DNAJC15: variants seen among roughly 807,000 people sequenced by gnomAD.
The protein encoded by DNAJC15 is DnaJ heat shock protein family (Hsp40) member C15, also known as dnaJ homolog subfamily C member 15.
Under a neutral mutation model 22.4 loss-of-function variants are expected in DNAJC15, and 27 were observed. The ratio of observed to expected loss-of-function variants is 1.20; its 90% CI spans 0.89 to 1.66. DNAJC15 has a LOEUF of 1.66. DNAJC15 is among the 40% of genes most tolerant of loss of function. The probability of loss-of-function intolerance (pLI) is 0.00; values close to 1 mark genes in which losing one functional copy is unlikely to be tolerated. For synonymous variants in DNAJC15, 79 were observed against 63.2 expected (o/e 1.25, Z -1.19); for missense variants, 208 against 187.1 (o/e 1.11, Z -0.65).
Position 43,075,753 on chromosome 13 carries a change from C to T in DNAJC15, c.235-2859C>T, listed in dbSNP as rs976850954. Among the ~76,000 whole-genome samples, 4 of 152,152 alleles carry T rather than the reference C, an allele frequency of 2.6e-5. 1 individual carries two copies. In the South Asian group the frequency reaches 8.3e-4, roughly 32 times the overall value. On this transcript the variant is annotated intron_variant, in intron 3 of 5. Transcript: ENST00000379221. ...TCACAGCTCACTGCAACCTCCACCT[C>T]CCAGGGTCAAGTGATTCTCCTGCCT...
chr13:43,054,911 T>C (rs1566205486), intron 1 of DNAJC15, among the ~76,000 whole-genome samples: 1 of 152,122 alleles, frequency 6.6e-6, no homozygotes, highest in Non-Finnish European at 1.5e-5. Flanking sequence ...GCCTGAAAGA[T>C]CAGGCTGTAA....
chr13:43,035,835 T>G (rs2040426467), intron 1 of DNAJC15, among the ~76,000 whole-genome samples: 1 of 152,084 alleles, frequency 6.6e-6, no homozygotes, highest in Non-Finnish European at 1.5e-5. Flanking sequence ...ATCCTCCCAC[T>G]TCAGCTTCCC....
At chr13:43,041,802 A>G (rs2040455411) in intron 1 of DNAJC15, among the ~76,000 whole-genome samples, 1 of 152,248 alleles carries the variant, frequency 6.6e-6, no homozygotes, top group Non-Finnish European at 1.5e-5. Flanking sequence ...CATGCAGTCA[A>G]TTAACTGCTA....
At chr13:43,095,179 A>G (rs367919573) in intron 5 of DNAJC15, among the ~76,000 whole-genome samples, 3 of 152,324 alleles carry the variant, frequency 2.0e-5, no homozygotes. Flanking sequence ...GTACAGTAAT[A>G]TGAGTGAGAA....
chr13:43,110,473 C>T lies in DNAJC15; in HGVS notation c.*3225C>T, dbSNP rs1033446102. 3.9e-5 allele frequency: 6 copies of T among 152,074 alleles called. No individual in the cohort carries two copies. Among genetic ancestry groups the T allele is most frequent in the African/African-American group, 1.4e-4 (6 of 41,394 alleles). 9.4% of individuals were successfully genotyped at this position (152,074 alleles called of 1,614,324 possible). On this transcript the variant is annotated 3_prime_UTR_variant, in exon 6 of 6. Transcript: ENST00000379221. ...GACAGGTTTGGGATTTTTTTTCCCC[C>T]TTGAGTCTGTGAAGGCATTACTTAA...
At chr13:43,043,248 C>T (rs1237749336) in intron 1 of DNAJC15, among the ~76,000 whole-genome samples, 5 of 152,192 alleles carry the variant, frequency 3.3e-5, no homozygotes, top group African/African-American at 9.7e-5. Context: ...GCTGGGACTA[C>T]AGGCGTGTGC....
intron 1 of DNAJC15, among the ~76,000 whole-genome samples, chr13:43,057,335 A>T (rs2153440510): frequency 6.6e-6 from 1 of 152,036 alleles, no homozygotes; most frequent in Middle Eastern, 3.4e-3. Context: ...AGTTTGGGTC[A>T]GTTTGAAAGC....
chr13:43,057,655 T>C (rs978041888), intron 1 of DNAJC15, among the ~76,000 whole-genome samples: 1 of 152,226 alleles, frequency 6.6e-6, no homozygotes, highest in African/African-American at 2.4e-5. Context: ...TGTGGTCTTT[T>C]GGAGATGTTA....
In DNAJC15 at chr13:43,108,362, A is replaced by C. The variant is rs1449564584; in HGVS notation, c.*1114A>C. 1.3e-5 allele frequency: 2 copies of C among 152,334 alleles called. No individual in the cohort carries two copies. Among genetic ancestry groups the C allele is most frequent in the East Asian group, 3.9e-4 (2 of 5,188 alleles). 9.4% of individuals were successfully genotyped at this position (152,334 alleles called of 1,614,324 possible). A position where few individuals can be genotyped will look rare whatever the true frequency, so the allele number is the denominator to read the frequency against. On this transcript the variant is annotated 3_prime_UTR_variant, in exon 6 of 6. Coordinates refer to ENST00000379221, the MANE Select transcript of DNAJC15 (RefSeq NM_013238.3). ...TCATCAAAGGCCAGCCCTGTGACTT[A>C]CACTGCATTAAATTAATTTCTTAGA... is the stretch of plus-strand genomic sequence containing the variant.
At chr13:43,075,014 G>C (rs1350592458) in intron 3 of DNAJC15, among the ~76,000 whole-genome samples, 1 of 152,202 alleles carries the variant, frequency 6.6e-6, no homozygotes. Context: ...GCAGATTTTA[G>C]TATGAGTGGT....
chr13:43,062,970 C>T (rs965479049), intron 1 of DNAJC15, among the ~76,000 whole-genome samples: 2 of 151,320 alleles, frequency 1.3e-5, no homozygotes, highest in Non-Finnish European at 2.9e-5. Context: ...CCATCTACCT[C>T]GGCTTCCCAA....
At chr13:43,051,634 GGTGT>G (rs57271276) in intron 1 of DNAJC15, among the ~76,000 whole-genome samples, 2,181 of 133,120 alleles carry the variant, frequency 0.016, 55 homozygotes, top group African/African-American at 0.053. Flanking sequence ...AGTACTTCAT[GGTGT>G]GTGTGTGTGT....
intron 1 of DNAJC15, among the ~76,000 whole-genome samples, chr13:43,038,983 C>T (rs1264528224): frequency 6.6e-6 from 1 of 151,988 alleles, no homozygotes; most frequent in Non-Finnish European, 1.5e-5. Context: ...TTGTAGAAGA[C>T]TTTATATGTT....
intron 1 of DNAJC15, among the ~76,000 whole-genome samples, chr13:43,024,893 T>TAAAAGAAAAAAAAAAAAAA (rs2040372656): frequency 1.2e-5 from 1 of 85,946 alleles, no homozygotes; most frequent in Non-Finnish European, 2.3e-5. Context: ...CCATCTCTGC[T>TAAAAGAAAAAAAAAAAAAA]AAAAAAAAAA....
chr13:43,067,007 TAATTA>T (rs903313863), intron 2 of DNAJC15, among the ~76,000 whole-genome samples: 25 of 152,228 alleles, frequency 1.6e-4, no homozygotes, highest in Admixed American at 6.5e-5. Flanking sequence ...AGCTATATCC[TAATTA>T]AATGTTAATT....
chr13:43,106,630 A>G (rs2153442475), intron 5 of DNAJC15, among the ~76,000 whole-genome samples: 1 of 152,196 alleles, frequency 6.6e-6, no homozygotes, highest in South Asian at 2.1e-4. Context: ...TAGATCATTT[A>G]TCTCTATTAA....
chr13:43,100,134 C>G (rs938323646), intron 5 of DNAJC15, among the ~76,000 whole-genome samples: 1 of 149,610 alleles, frequency 6.7e-6, no homozygotes, highest in African/African-American at 2.5e-5. Flanking sequence ...TCTAAATTAT[C>G]TAATTTATTG....
rs376910976 is a variant in DNAJC15, at chr13:43,024,337, GT to G, written c.108+627del. On this transcript the variant is annotated intron_variant, in intron 1 of 5. Transcript: ENST00000379221. The stretch of plus-strand genomic sequence containing the variant: ...TTGTGAGCCACATACGTATTTTTAC[GT>G]TTTTTTTTTTTTTTTTTTTTTTTGA... 2.5e-3 allele frequency among the ~76,000 whole-genome samples: 236 copies of G among 93,366 alleles called. 1 individual carries two copies. The highest frequency in any genetic ancestry group is 7.4e-3 in the African/African-American group (176 of 23,710). The allele number at this position is 93,366 out of a possible 152,430, so 61.3% of individuals were successfully genotyped here.
intron 5 of DNAJC15, among the ~76,000 whole-genome samples, chr13:43,091,797 GTT>G (rs1163083022): frequency 6.6e-6 from 1 of 151,968 alleles, no homozygotes; most frequent in African/African-American, 2.4e-5. Context: ...TGACCTGTGT[GTT>G]ATTTGACATG....
Sources: allele counts gnomAD v4.1 joint callset (sites outside exome capture counted in the v4.1 genomes callset), GRCh38; gene constraint gnomAD v4.1.1; transcripts MANE v1.5; gene names NCBI Gene and HGNC (gene_info 2026-07-23, HGNC 2026-07-21).